Variants in UCP2 observed in about 807,000 individuals in gnomAD.
The protein encoded by UCP2 is uncoupling protein 2.
UCP2 carries 27 observed loss-of-function variants against 31.3 expected under a neutral mutation model. That is an observed-to-expected ratio of 0.86 (90% CI 0.64 to 1.19). The LOEUF (loss-of-function observed/expected upper bound fraction) is 1.19. Ranked by LOEUF, UCP2 falls within the 50% of genes most tolerant of loss-of-function variation. The probability of loss-of-function intolerance (pLI) is 0.00; values close to 1 mark genes in which losing one functional copy is unlikely to be tolerated. For missense variants in UCP2, 377 were observed against 413.5 expected (o/e 0.91, Z 0.76); for synonymous variants, 142 against 157.4 (o/e 0.90, Z 0.73).
Position 73,975,023 on chromosome 11 carries a change from C to T in UCP2, c.914G>A (p.Arg305Gln), listed in dbSNP as rs560837935. 9.5e-5 allele frequency: 153 copies of T among 1,608,848 alleles called. 2 individuals carry two copies. In the South Asian group the frequency reaches 1.5e-3, roughly 16 times the overall value. Reference sequence around the variant, plus strand: ...AGGAGAGGCTCAGAAGGGAGCCTCTCGGGAAGTGCAGGCAGCCATGAGGGC... The same window carrying T: ...AGGAGAGGCTCAGAAGGGAGCCTCTTGGGAAGTGCAGGCAGCCATGAGGGC... ...KRALMAACTS[R>Q]EAPF The change falls in exon 8 of 8, where the codon CGA (arginine) becomes CAA (glutamine). Residue 305 changes from arginine (R) to glutamine (Q), a missense_variant. Transcript: ENST00000663595.
At chr11:73,979,443 A>G (rs916504107) in intron 2 of UCP2, among the ~76,000 whole-genome samples, 5 of 152,232 alleles carry the variant, frequency 3.3e-5, no homozygotes, top group Non-Finnish European at 7.3e-5. Flanking sequence ...ACTACTTAGG[A>G]GGCTGAGGCA....
rs1167421912 is a variant in UCP2, at chr11:73,975,003, A to G, written c.*4T>C. ...GAGGTGATCAGGTCAGCAGCAGGAG[A>G]GGCTCAGAAGGGAGCCTCTCGGGAA... is the stretch of plus-strand genomic sequence containing the variant. On this transcript the variant is annotated 3_prime_UTR_variant, in exon 8 of 8. Coordinates refer to ENST00000663595, the MANE Select transcript of UCP2 (RefSeq NM_003355.3). 1 of 1,572,054 alleles carries G rather than the reference A, an allele frequency of 6.4e-7. No homozygotes were observed. The highest frequency in any genetic ancestry group is 1.1e-5 in the South Asian group (1 of 89,956).
chr11:73,975,931 G>A (rs1000251419), intron 6 of UCP2, among the ~76,000 whole-genome samples: 1 of 152,050 alleles, frequency 6.6e-6, no homozygotes, highest in Non-Finnish European at 1.5e-5. Flanking sequence ...GGCACAGTGT[G>A]CATGCCTGTA....
rs1421875628 is a variant in UCP2, at chr11:73,976,825, T to C, written c.530A>G (p.Lys177Arg). 1 of 1,614,108 alleles carries C rather than the reference T, an allele frequency of 6.2e-7. No homozygotes were observed. The highest frequency in any genetic ancestry group is 1.3e-5 in the African/African-American group (1 of 74,930). ...AAGGGAAAACAACTGGTACACACCT[T>C]TCCAGAGGCCCCGGAACCCTTCCTC... ...AREEGFRGLWKGTSPNVARNA... is the reference protein window; with the variant it reads ...AREEGFRGLWRGTSPNVARNA... The change falls in exon 5 of 8, where the codon AAA becomes AGA. Residue 177 changes from lysine to arginine, a missense_variant and splice_region_variant. Transcript: ENST00000663595.
chr11:73,976,767 T>A (rs775125971), intron 5 of UCP2, 25 bp from the exon 6 acceptor site: 1 of 1,614,112 alleles, frequency 6.2e-7, no homozygotes, highest in Admixed American at 1.7e-5. Context: ...AGATCCTGGG[T>A]GAGACCAGAG....
chr11:73,976,834 C>CTTCCG lies in UCP2; in HGVS notation c.520_521insCGGAA (p.Gly174AlafsTer24). On this transcript the variant is annotated frameshift_variant, in exon 5 of 8. Transcript: ENST00000663595. LOFTEE classifies it high-confidence loss of function. ...CAACTGGTACACACCTTTCCAGAGG[C>CTTCCG]CCCGGAACCCTTCCTCTCGGGCAAT... 6.2e-7 allele frequency: 1 copy of CTTCCG among 1,614,198 alleles called. No individual in the cohort carries two copies. The highest frequency in any genetic ancestry group is 8.5e-7 in the Non-Finnish European group (1 of 1,180,030).
At chr11:73,982,278 G>C (rs1951471524) in intron 1 of UCP2, among the ~76,000 whole-genome samples, 1 of 152,206 alleles carries the variant, frequency 6.6e-6, no homozygotes, top group African/African-American at 2.4e-5. Context: ...GAGAAATAAA[G>C]AACCAAGGAC....
intron 4 of UCP2, among the ~76,000 whole-genome samples, chr11:73,977,439 C>G (rs1407507658): frequency 1.3e-5 from 2 of 152,154 alleles, no homozygotes; most frequent in Non-Finnish European, 2.9e-5. Flanking sequence ...GGAAAGACAA[C>G]CTTTTGTCTG....
At chr11:73,978,834 G>A in intron 2 of UCP2, 1 of 287,210 alleles carries the variant, frequency 3.5e-6, no homozygotes, top group South Asian at 3.3e-5. Context: ...CATCTGGAGA[G>A]CTGACAGAAG....
In UCP2 at chr11:73,975,471, G is replaced by C. The variant is rs368828929; in HGVS notation, c.815+20C>G. 7 of 1,603,088 alleles carry C rather than the reference G, an allele frequency of 4.4e-6. No individual in the cohort carries two copies. Among genetic ancestry groups the C allele is most frequent in the Non-Finnish European group, 5.1e-6 (6 of 1,173,834 alleles). On this transcript the variant is annotated intron_variant, in intron 7 of 7. Coordinates refer to ENST00000663595, the MANE Select transcript of UCP2 (RefSeq NM_003355.3). ...CATAGCCAAGAGGCCTGAACTGGGT[G>C]GGGAGGACCAGAGGCTCACCCTTTG...
At position 73,974,822 on chromosome 11, in the gene UCP2, G is replaced by A; in HGVS notation, c.*185C>T. On this transcript the variant is annotated 3_prime_UTR_variant, in exon 8 of 8. Coordinates refer to ENST00000663595, the MANE Select transcript of UCP2 (RefSeq NM_003355.3). ...ACACTGTCAAATGTCAACTCCACCA[G>A]CACTGAGACAATGAGTAGATGAGAA... is the stretch of plus-strand genomic sequence containing the variant. The A allele has an allele frequency of 1.5e-6, 1 of 656,088 alleles. No individual in the cohort carries two copies. Among genetic ancestry groups the A allele is most frequent in the Non-Finnish European group, 2.8e-6 (1 of 362,780 alleles). 40.6% of individuals were successfully genotyped at this position (656,088 alleles called of 1,614,324 possible). A position where few individuals can be genotyped will look rare whatever the true frequency, so the allele number is the denominator to read the frequency against.
At position 73,975,561 on chromosome 11, in the gene UCP2, G is replaced by A. The variant is rs1477520507; in HGVS notation, c.745C>T (p.Gln249Ter). The A allele has an allele frequency of 6.2e-7, 1 of 1,614,034 alleles. No individual in the cohort carries two copies. The highest frequency in any genetic ancestry group is 8.5e-7 in the Non-Finnish European group (1 of 1,180,046). ...KTRYMNSALG[Q>*]YSSAGHCALT... ...GCACAGTGGCCAGCGCTACTGTACT[G>A]GCCCAGGGCAGAGTTCATGTATCTC... is the stretch of plus-strand genomic sequence containing the variant. Residue 249 changes from glutamine (Q) to a stop codon, truncating the protein, a stop_gained, in exon 7 of 8, where the codon CAG becomes TAG. Coordinates refer to ENST00000663595, the MANE Select transcript of UCP2 (RefSeq NM_003355.3). LOFTEE classifies it high-confidence loss of function.
chr11:73,976,625 C>T lies in UCP2; in HGVS notation c.634+16G>A. On this transcript the variant is annotated intron_variant, in intron 6 of 7. Transcript: ENST00000663595. ...GGGGAAGGGTGAGACCCAGCACCGT[C>T]TACCTCATGACTCACCTGTCATGAG... 1 of 1,608,498 alleles carries T rather than the reference C, an allele frequency of 6.2e-7. No homozygotes were observed. The highest frequency in any genetic ancestry group is 8.5e-7 in the Non-Finnish European group (1 of 1,175,066).
Position 73,976,712 on chromosome 11 carries a change from A to G in UCP2, c.563T>C (p.Ile188Thr), listed in dbSNP as rs762461261. 7.4e-6 allele frequency: 12 copies of G among 1,614,188 alleles called. No homozygotes were observed. The highest frequency in any genetic ancestry group is 2.2e-5 in the East Asian group (1 of 44,882). ...GGTCACCAGCTCAGCACAGTTGACA[A>G]TGGCATTACGAGCAACATTGGGAGA... is the stretch of plus-strand genomic sequence containing the variant. ...GTSPNVARNA[I>T]VNCAELVTYD... The change falls in exon 6 of 8, where the codon ATT becomes ACT. Residue 188 changes from isoleucine (I) to threonine (T), a missense_variant. Physicochemically the swap from Ile to Thr is moderately conservative, Grantham distance 89. Transcript: ENST00000663595.
At chr11:73,977,075 C>T in intron 4 of UCP2, 58 bp from the exon 5 acceptor site, 1 of 1,520,914 alleles carries the variant, frequency 6.6e-7, no homozygotes, top group Non-Finnish European at 8.8e-7. Context: ...TCTACCTCAT[C>T]TCTCCTCACC....
At chr11:73,982,069 G>A (rs1200441257) in intron 1 of UCP2, among the ~76,000 whole-genome samples, 22 of 152,142 alleles carry the variant, frequency 1.4e-4, no homozygotes, top group Non-Finnish European at 1.5e-5. Flanking sequence ...AAGCCCCCAA[G>A]CCCTGGGAAA....
chr11:73,978,055 G>A lies in UCP2; in HGVS notation c.168C>T (p.Ser56=), dbSNP rs1463337602. 3 of 1,614,052 alleles carry A rather than the reference G, an allele frequency of 1.9e-6. No homozygotes were observed. The highest frequency in any genetic ancestry group is 1.6e-4 in the Middle Eastern group (1 of 6,084). ...TGCCCATCACACCGCGGTACTGGGC[G>A]CTGGCTGTAGCGCGCACTGGCCCCT... ...ESQGPVRATA[S]AQYRGVMGTI... Residue 56 remains serine, a synonymous_variant, in exon 4 of 8, where the codon AGC becomes AGT. Coordinates refer to ENST00000663595, the MANE Select transcript of UCP2 (RefSeq NM_003355.3).
At chr11:73,978,222 C>T (rs1360966139) in intron 3 of UCP2, 31 bp downstream of exon 3, 5 of 1,614,132 alleles carry the variant, frequency 3.1e-6, no homozygotes, top group Non-Finnish European at 4.2e-6. Flanking sequence ...AGAGTAGACA[C>T]CATCAAGACT....
intron 2 of UCP2, among the ~76,000 whole-genome samples, chr11:73,979,096 G>C (rs772942996): frequency 1.3e-4 from 20 of 152,236 alleles, no homozygotes; most frequent in Admixed American, 1.3e-4. Flanking sequence ...TGAGATGCAG[G>C]AGATAGTATC....
Sources: gnomAD v4.1 joint callset for allele counts (sites outside exome capture counted in the v4.1 genomes callset) on GRCh38, gnomAD v4.1.1 for gene constraint, MANE v1.5 for transcripts, NCBI Gene and HGNC (gene_info 2026-07-23, HGNC 2026-07-21) for gene names.